The following PDE1A variants were observed in gnomAD, a reference collection of about 807,000 sequenced individuals.
The protein encoded by PDE1A is phosphodiesterase 1A.
PDE1A carries 35 observed loss-of-function variants against 61.7 expected under a neutral mutation model. That is an observed-to-expected ratio of 0.57 (90% confidence interval 0.43 to 0.75). The LOEUF (loss-of-function observed/expected upper bound fraction) is 0.75. Ranked by LOEUF, PDE1A falls within the 30% of genes least tolerant of loss-of-function variation. The probability of loss-of-function intolerance (pLI) is 0.00; values close to 1 mark genes in which losing one functional copy is unlikely to be tolerated. For synonymous variants in PDE1A, 232 were observed against 213.2 expected (o/e 1.09, Z -0.77); for missense variants, 597 against 630.6 (o/e 0.95, Z 0.57).
rs374914950 is a variant in PDE1A at position 182,451,007 on chromosome 2, G to A, written c.101+71269C>T. Among the ~76,000 whole-genome samples the A allele has an allele frequency of 9.7e-4, 148 of 152,198 alleles. 1 individual carries two copies. The highest frequency in any genetic ancestry group is 3.4e-3 in the Middle Eastern group (1 of 294). Reference sequence around the variant, plus strand: ...GTAATTCCCATTGAAGTAAGTGAAAGTTGGGTTCTGAGTCTCATTTAGATG... The same window carrying A: ...GTAATTCCCATTGAAGTAAGTGAAAATTGGGTTCTGAGTCTCATTTAGATG... On this transcript the variant is annotated intron_variant, in intron 2 of 14. Coordinates refer to the PDE1A transcript ENST00000410103.
rs919042922 is a variant in PDE1A, at chr2:182,281,186, T to A, written c.54-16772A>T. On this transcript the variant is annotated intron_variant, in intron 1 of 13. Transcript: ENST00000351439. ...TGCATGAGTCATTTTCATTTTTTAA[T>A]TTTAGCATTAATTTTGTGTTTTCAT... Among the ~76,000 whole-genome samples, 6 of 151,988 alleles carry A rather than the reference T, an allele frequency of 3.9e-5. No homozygotes were observed. The East Asian group carries it at 1.2e-3, about 29-fold the overall frequency.
chr2:182,638,359 T>C, the PDE1A span, among the ~76,000 whole-genome samples: 3 of 151,904 alleles, frequency 2.0e-5, no homozygotes, highest in African/African-American at 7.3e-5. Flanking sequence ...GCCAACATGG[T>C]GAACATCTCT....
At chr2:182,505,087 T>C (rs985715347) in intron 2 of PDE1A, among the ~76,000 whole-genome samples, 1 of 152,200 alleles carries the variant, frequency 6.6e-6, no homozygotes, top group Admixed American at 6.5e-5. Flanking sequence ...GCAGGCAATT[T>C]TCTCTCACAG....
chr2:182,597,174 T>C, the PDE1A span, among the ~76,000 whole-genome samples: 1 of 151,884 alleles, frequency 6.6e-6, no homozygotes, highest in South Asian at 2.1e-4. Context: ...AAAAAAATTT[T>C]TTTTTTAAAT....
chr2:182,521,308 A>G (rs894181972), intron 2 of PDE1A, among the ~76,000 whole-genome samples: 3 of 152,060 alleles, frequency 2.0e-5, no homozygotes, highest in Admixed American at 1.3e-4. Flanking sequence ...TATAAATCTT[A>G]GAAAATCTCT....
At chr2:182,243,571 A>G (rs1053615443) in intron 2 of PDE1A, among the ~76,000 whole-genome samples, 3 of 152,188 alleles carry the variant, frequency 2.0e-5, no homozygotes, top group Admixed American at 6.5e-5. Flanking sequence ...AGCTAATATC[A>G]GGCCTTGGAA....
Position 182,151,108 on chromosome 2 carries a change from A to G in PDE1A, c.1517-3956T>C, listed in dbSNP as rs1200119232. 3.3e-5 allele frequency among the ~76,000 whole-genome samples: 5 copies of G among 152,238 alleles called. 1 individual carries two copies. The East Asian group carries it at 5.8e-4, about 18-fold the overall frequency. On this transcript the variant is annotated intron_variant, in intron 13 of 13. Coordinates refer to the PDE1A transcript ENST00000409365. Reference sequence around the variant, plus strand: ...AAACTTATTATTATTATTTTTTGAGACAAAGTTTTGCTCTTGTTGTCCAGG... The same window carrying G: ...AAACTTATTATTATTATTTTTTGAGGCAAAGTTTTGCTCTTGTTGTCCAGG...
At chr2:182,620,759 A>G in the PDE1A span, among the ~76,000 whole-genome samples, 1 of 152,160 alleles carries the variant, frequency 6.6e-6, no homozygotes, top group Non-Finnish European at 1.5e-5. Context: ...TTCAGTTTCT[A>G]TTTTAAGCAC....
chr2:182,595,538 ATGCT>A, the PDE1A span, among the ~76,000 whole-genome samples: 28 of 152,350 alleles, frequency 1.8e-4, no homozygotes, highest in Admixed American at 7.8e-4. Context: ...GAGATAATAT[ATGCT>A]TATTTTCTGA....
the PDE1A span, among the ~76,000 whole-genome samples, chr2:182,617,130 C>T: frequency 2.3e-4 from 35 of 152,118 alleles, no homozygotes; most frequent in African/African-American, 8.2e-4. Context: ...TTGGACCATG[C>T]CAAATATCCT....
At chr2:182,716,313 G>C in the PDE1A span, 1 of 152,342 alleles carries the variant, frequency 6.6e-6, no homozygotes, top group Admixed American at 6.5e-5. Context: ...GCCGCGCGCT[G>C]GTAGTCGCCG....
At chr2:182,604,401 G>A in the PDE1A span, among the ~76,000 whole-genome samples, 3 of 152,028 alleles carry the variant, frequency 2.0e-5, no homozygotes, top group Non-Finnish European at 2.9e-5. Flanking sequence ...AATACTAACC[G>A]AATGATCTTA....
chr2:182,690,061 C>A, the PDE1A span, among the ~76,000 whole-genome samples: 8 of 152,046 alleles, frequency 5.3e-5, no homozygotes, highest in Admixed American at 5.2e-4. Context: ...CAAAAAAAGT[C>A]CAGGACCAGA....
At chr2:182,292,536 C>T (rs833161) in intron 1 of PDE1A, among the ~76,000 whole-genome samples, 1 of 151,940 alleles carries the variant, frequency 6.6e-6, no homozygotes, top group Non-Finnish European at 1.5e-5. Context: ...AATAGTGAGA[C>T]TATTCAATAT....
intron 1 of PDE1A, among the ~76,000 whole-genome samples, chr2:182,266,418 T>TA (rs1435943825): frequency 6.6e-6 from 1 of 152,182 alleles, no homozygotes; most frequent in Non-Finnish European, 1.5e-5. Flanking sequence ...AAGTAGAAGA[T>TA]AGAGTTTTTG....
At chr2:182,602,256 C>CTT in the PDE1A span, among the ~76,000 whole-genome samples, 5 of 152,214 alleles carry the variant, frequency 3.3e-5, no homozygotes, top group Admixed American at 2.0e-4. Context: ...ACCTGGGGAG[C>CTT]TTCTGCCCCA....
At chr2:182,691,857 T>G in the PDE1A span, among the ~76,000 whole-genome samples, 1 of 148,822 alleles carries the variant, frequency 6.7e-6, no homozygotes, top group African/African-American at 2.5e-5. Flanking sequence ...CATCAAAAAG[T>G]GGGCGAAGGA....
the PDE1A span, among the ~76,000 whole-genome samples, chr2:182,635,978 C>T: frequency 1.3e-5 from 1 of 76,554 alleles, no homozygotes; most frequent in Non-Finnish European, 2.3e-5. Context: ...TTTTTTGAGA[C>T]AGAGTCTTGC....
At chr2:182,434,418 C>T (rs1704108251) in intron 2 of PDE1A, among the ~76,000 whole-genome samples, 1 of 152,070 alleles carries the variant, frequency 6.6e-6, no homozygotes, top group Admixed American at 6.6e-5. Flanking sequence ...AAACTCATTT[C>T]CTCACAGTTA....
Sources: gnomAD v4.1 joint callset for allele counts (sites outside exome capture counted in the v4.1 genomes callset) on GRCh38, gnomAD v4.1.1 for gene constraint, MANE v1.5 for transcripts, NCBI Gene and HGNC (gene_info 2026-07-23, HGNC 2026-07-21) for gene names.